The following ICE2 variants were observed in gnomAD, a reference collection of about 807,000 sequenced individuals.
The protein encoded by ICE2 is little elongation complex subunit 2.
In ICE2, 87 loss-of-function variants were observed where a neutral mutation model predicts 105.4. The observed-to-expected ratio is 0.83, with a 90% CI of 0.69 to 0.99. The LOEUF (loss-of-function observed/expected upper bound fraction) is 0.99, where lower values mean the gene tolerates loss of function less well. Ranked by LOEUF, ICE2 falls within the 50% of genes least tolerant of loss-of-function variation. The pLI, the probability that ICE2 is intolerant of heterozygous loss-of-function variation, is 0.00. For missense variants in ICE2, 1,323 were observed against 1,146.7 expected, an observed-to-expected ratio of 1.15 and a Z score of -2.22; for synonymous variants, 399 against 392.0, an observed-to-expected ratio of 1.02 and a Z score of -0.21.
intron 2 of ICE2, 145 bp downstream of exon 2, chr15:60,477,792 G>A: frequency 1.4e-6 from 1 of 709,764 alleles, no homozygotes; most frequent in Non-Finnish European, 2.5e-6. Context: ...CGTATGTGAA[G>A]ATGAGGATAG....
At chr15:60,424,987 C>G (rs982078016) in intron 15 of ICE2, among the ~76,000 whole-genome samples, 1 of 152,180 alleles carries the variant, frequency 6.6e-6, no homozygotes, top group Admixed American at 6.5e-5. Flanking sequence ...TTGTTCTCCT[C>G]TATTTCTTCA....
At position 60,421,006 on chromosome 15, in the gene ICE2, A is replaced by C. The variant is rs2063237745; in HGVS notation, c.*2628T>G. 1 of 151,606 alleles carries C rather than the reference A, an allele frequency of 6.6e-6. No homozygotes were observed. The highest frequency in any genetic ancestry group is 2.1e-4 in the South Asian group (1 of 4,828). 9.4% of individuals were successfully genotyped at this position (151,606 alleles called of 1,614,324 possible). A position where few individuals can be genotyped will look rare whatever the true frequency, so the allele number is the denominator to read the frequency against. On this transcript the variant is annotated 3_prime_UTR_variant, in exon 16 of 16. Coordinates refer to ENST00000261520, the MANE Select transcript of ICE2 (RefSeq NM_024611.6). ...TATAAGAAAAGAAAATCAAAGAAAC[A>C]AATAAATATGGTGAGATCTGAAAAA...
intron 3 of ICE2, among the ~76,000 whole-genome samples, chr15:60,475,383 CCAAA>C (rs2064730442): frequency 6.6e-6 from 1 of 151,960 alleles, no homozygotes; most frequent in South Asian, 2.1e-4. Context: ...TATTGTCTGA[CCAAA>C]CAATTCAATT....
At chr15:60,459,964 C>T (rs541280350) in intron 5 of ICE2, among the ~76,000 whole-genome samples, 210 of 152,102 alleles carry the variant, frequency 1.4e-3, no homozygotes, top group African/African-American at 4.8e-3. Context: ...ATGTAAATCA[C>T]TAAACTTTCT....
intron 15 of ICE2, among the ~76,000 whole-genome samples, chr15:60,426,069 T>C (rs1296090747): frequency 2.0e-5 from 3 of 152,226 alleles, no homozygotes; most frequent in Admixed American, 6.5e-5. Flanking sequence ...CTGGACTGAA[T>C]GCATGAAGCA....
intron 3 of ICE2, among the ~76,000 whole-genome samples, chr15:60,475,000 A>T (rs1163209696): frequency 1.3e-5 from 2 of 152,182 alleles, no homozygotes; most frequent in African/African-American, 4.8e-5. Context: ...ATGACTGAAA[A>T]TGGGAAAGAA....
At chr15:60,475,944 T>C in intron 3 of ICE2, 119 bp downstream of exon 3, 1 of 634,274 alleles carries the variant, frequency 1.6e-6, no homozygotes, top group Non-Finnish European at 2.6e-6. Context: ...TGTTAAAAGT[T>C]GTTTTACTTT....
At chr15:60,425,004 G>T (rs190375203) in intron 15 of ICE2, among the ~76,000 whole-genome samples, 1 of 151,872 alleles carries the variant, frequency 6.6e-6, no homozygotes, top group East Asian at 1.9e-4. Flanking sequence ...TTCATATCCC[G>T]TCCAGTCAAT....
In ICE2 at chr15:60,455,093, G is replaced by C; in HGVS notation, c.853C>G (p.Gln285Glu). 6.2e-7 allele frequency: 1 copy of C among 1,603,348 alleles called. No individual in the cohort carries two copies. Among genetic ancestry groups the C allele is most frequent in the African/African-American group, 1.3e-5 (1 of 74,388 alleles). The change falls in exon 8 of 16, where the codon CAG (glutamine) becomes GAG (glutamate). Residue 285 changes from glutamine to glutamate, a missense_variant. Gln to Glu is a conservative substitution (Grantham distance 29). Coordinates refer to ENST00000261520, the MANE Select transcript of ICE2 (RefSeq NM_024611.6). Reference protein sequence around the residue: ...RYHPQIALTSQSLFTLLNNHG... With the variant: ...RYHPQIALTSESLFTLLNNHG... The stretch of plus-strand genomic sequence containing the variant: ...TTATTTAATAAGGTAAATAATGACT[G>C]ACTAGTTAGAGCTATCTGAGGGTGA...
intron 6 of ICE2, 83 bp from the exon 7 acceptor site, chr15:60,455,525 CTT>C: frequency 1.2e-6 from 1 of 819,902 alleles, no homozygotes; most frequent in Non-Finnish European, 2.0e-6. Context: ...ATATGAAACT[CTT>C]AACTTGAACT....
At position 60,448,159 on chromosome 15, in the gene ICE2, A is replaced by G. The variant is rs1413482039; in HGVS notation, c.2120-14T>C. The G allele has an allele frequency of 9.0e-6, 14 of 1,561,628 alleles. No individual in the cohort carries two copies. Among genetic ancestry groups the G allele is most frequent in the Non-Finnish European group, 1.1e-5 (12 of 1,140,178 alleles). On this transcript the variant is annotated splice_polypyrimidine_tract_variant and intron_variant, in intron 10 of 15. Coordinates refer to ENST00000261520, the MANE Select transcript of ICE2 (RefSeq NM_024611.6). ...CATATGGCAATCCTTTAAAAATAGT[A>G]TTTCTCATTTTTAAAATACATTAGC... is the stretch of plus-strand genomic sequence containing the variant.
chr15:60,430,964 C>T (rs530127849), intron 14 of ICE2, among the ~76,000 whole-genome samples: 142 of 152,168 alleles, frequency 9.3e-4, no homozygotes, highest in African/African-American at 1.3e-3. Flanking sequence ...CTCTGCCTCC[C>T]GGGTTCAAGC....
At chr15:60,477,001 T>C (rs1007284592) in intron 2 of ICE2, among the ~76,000 whole-genome samples, 1 of 152,232 alleles carries the variant, frequency 6.6e-6, no homozygotes, top group Non-Finnish European at 1.5e-5. Context: ...TGCATACCTC[T>C]TACCTAATCA....
chr15:60,427,381 G>T (rs915170731), intron 15 of ICE2, among the ~76,000 whole-genome samples: 3 of 152,134 alleles, frequency 2.0e-5, no homozygotes, highest in Admixed American at 1.3e-4. Flanking sequence ...ATCGTGTCCT[G>T]AACACATTCA....
At chr15:60,461,882 G>A (rs868079649) in intron 5 of ICE2, among the ~76,000 whole-genome samples, 2 of 152,158 alleles carry the variant, frequency 1.3e-5, no homozygotes, top group Non-Finnish European at 2.9e-5. Flanking sequence ...TACAAAATGA[G>A]CCTCAAAGAC....
intron 15 of ICE2, among the ~76,000 whole-genome samples, chr15:60,427,541 C>G (rs938695609): frequency 3.3e-5 from 5 of 152,188 alleles, no homozygotes; most frequent in African/African-American, 1.2e-4. Flanking sequence ...CTGCCTCAGC[C>G]TCTCCAGTAG....
chr15:60,436,791 AT>A (rs969201046), intron 12 of ICE2, among the ~76,000 whole-genome samples: 1 of 151,378 alleles, frequency 6.6e-6, no homozygotes, highest in African/African-American at 2.4e-5. Flanking sequence ...TAATTATGAT[AT>A]TTATGTATTA....
chr15:60,443,254 A>G (rs1409431451), intron 11 of ICE2, among the ~76,000 whole-genome samples: 4 of 152,208 alleles, frequency 2.6e-5, no homozygotes, highest in Non-Finnish European at 5.9e-5. Flanking sequence ...ATTATCTTCA[A>G]AGAAAACTCT....
intron 1 of ICE2, among the ~76,000 whole-genome samples, chr15:60,478,366 G>T (rs956975809): frequency 2.0e-5 from 3 of 152,174 alleles, no homozygotes; most frequent in African/African-American, 7.2e-5. Flanking sequence ...GCATGGAACG[G>T]GAAGTCAACT....
Sources: allele counts gnomAD v4.1 joint callset (sites outside exome capture counted in the v4.1 genomes callset), GRCh38; gene constraint gnomAD v4.1.1; transcripts MANE v1.5; gene names NCBI Gene and HGNC (gene_info 2026-07-23, HGNC 2026-07-21).